The following EEF1AKMT1 variants were observed in gnomAD, a reference collection of about 807,000 sequenced individuals.
EEF1AKMT1 encodes the protein EEF1A lysine methyltransferase 1, also known as N-6 adenine-specific DNA methyltransferase 2 (putative).
Under a neutral mutation model 21.0 loss-of-function variants are expected in EEF1AKMT1, and 18 were observed. The ratio of observed to expected loss-of-function variants is 0.86; its 90% CI spans 0.59 to 1.27. EEF1AKMT1 has a LOEUF of 1.27. EEF1AKMT1 is among the 50% of genes most tolerant of loss of function. EEF1AKMT1 has a pLI of 0.00. For synonymous variants in EEF1AKMT1, 109 were observed against 94.8 expected (o/e 1.15, Z -0.87); for missense variants, 246 against 258.6 (o/e 0.95, Z 0.33).
intron 2 of EEF1AKMT1, among the ~76,000 whole-genome samples, chr13:20,752,356 G>T (rs967514740): frequency 6.6e-6 from 1 of 152,022 alleles, no homozygotes; most frequent in Non-Finnish European, 1.5e-5. Flanking sequence ...TTATCATGAA[G>T]GGATGTTGAA....
At chr13:20,765,543 G>A (rs1367724283) in intron 1 of EEF1AKMT1, among the ~76,000 whole-genome samples, 1 of 148,926 alleles carries the variant, frequency 6.7e-6, no homozygotes, top group Non-Finnish European at 1.5e-5. Flanking sequence ...CTCCCCAGTG[G>A]CTGCGATTAC....
intron 2 of EEF1AKMT1, among the ~76,000 whole-genome samples, chr13:20,751,838 G>C (rs1014929803): frequency 2.0e-5 from 3 of 152,064 alleles, no homozygotes; most frequent in Non-Finnish European, 2.9e-5. Flanking sequence ...GAGTTTTGTA[G>C]TCTTCCTTGT....
chr13:20,735,120 T>C (rs2058819052), intron 3 of EEF1AKMT1, among the ~76,000 whole-genome samples: 1 of 151,994 alleles, frequency 6.6e-6, no homozygotes, highest in African/African-American at 2.4e-5. Flanking sequence ...TCGGCAGACC[T>C]GCAATGGCCG....
chr13:20,748,559 C>G (rs1228474127), intron 2 of EEF1AKMT1, among the ~76,000 whole-genome samples: 2 of 152,018 alleles, frequency 1.3e-5, no homozygotes, highest in African/African-American at 4.8e-5. Flanking sequence ...TTGGCTCTTT[C>G]TCTGATCATT....
chr13:20,738,340 C>T (rs1235843877), intron 2 of EEF1AKMT1, among the ~76,000 whole-genome samples: 1 of 152,204 alleles, frequency 6.6e-6, no homozygotes, highest in Non-Finnish European at 1.5e-5. Flanking sequence ...TTTCATCTTG[C>T]TCCTTCTGCT....
At chr13:20,740,408 A>C (rs1039894696) in intron 2 of EEF1AKMT1, among the ~76,000 whole-genome samples, 2 of 152,248 alleles carry the variant, frequency 1.3e-5, no homozygotes, top group African/African-American at 2.4e-5. Context: ...GGGCTCCTCA[A>C]CAGTGGCCAG....
At chr13:20,767,377 T>C (rs900659591) in intron 1 of EEF1AKMT1, among the ~76,000 whole-genome samples, 4 of 151,488 alleles carry the variant, frequency 2.6e-5, no homozygotes, top group Admixed American at 6.6e-5. Context: ...AATGACTTCG[T>C]TGAACATTCC....
intron 1 of EEF1AKMT1, among the ~76,000 whole-genome samples, chr13:20,760,923 C>T (rs1294080114): frequency 6.6e-6 from 1 of 152,142 alleles, no homozygotes. Context: ...GCTTTCTACT[C>T]TGAAATAATC....
intron 3 of EEF1AKMT1, among the ~76,000 whole-genome samples, chr13:20,735,782 G>A (rs2058822966): frequency 6.6e-6 from 1 of 152,120 alleles, no homozygotes; most frequent in Non-Finnish European, 1.5e-5. Context: ...TATGGAGGGA[G>A]AAGAGAACTT....
chr13:20,766,315 AGAAAGAAAGAAAAG>A (rs1205403161), intron 1 of EEF1AKMT1, among the ~76,000 whole-genome samples: 1 of 135,904 alleles, frequency 7.4e-6, no homozygotes. Flanking sequence ...AAAAAAAAAA[AGAAAGAAAGAAAAG>A]AAAAAGAAAA....
At chr13:20,746,518 G>A (rs963050619) in intron 2 of EEF1AKMT1, among the ~76,000 whole-genome samples, 5 of 152,176 alleles carry the variant, frequency 3.3e-5, no homozygotes, top group African/African-American at 1.2e-4. Context: ...AGGACATCTG[G>A]AAGAAAGCCC....
intron 2 of EEF1AKMT1, among the ~76,000 whole-genome samples, chr13:20,754,741 C>CAAAAAAAAAAAAAAAAAAA (rs56777421): frequency 8.6e-6 from 1 of 116,582 alleles, no homozygotes. Context: ...ACCAAAAATA[C>CAAAAAAAAAAAAAAAAAAA]AAAAAAAAAA....
chr13:20,772,657 G>A (rs1322098761), intron 1 of EEF1AKMT1, among the ~76,000 whole-genome samples: 2 of 152,124 alleles, frequency 1.3e-5, no homozygotes, highest in Non-Finnish European at 2.9e-5. Flanking sequence ...GAAAGAGCAG[G>A]TGGAGCTTCA....
chr13:20,763,811 T>C (rs2059013248), intron 1 of EEF1AKMT1, among the ~76,000 whole-genome samples: 1 of 152,194 alleles, frequency 6.6e-6, no homozygotes, highest in African/African-American at 2.4e-5. Context: ...CTTACACGGC[T>C]ATTCACATTA....
chr13:20,748,638 A>T (rs1175211530), intron 2 of EEF1AKMT1, among the ~76,000 whole-genome samples: 1 of 149,458 alleles, frequency 6.7e-6, no homozygotes, highest in African/African-American at 2.5e-5. Context: ...TATACTATGG[A>T]TTTATTATGA....
intron 1 of EEF1AKMT1, among the ~76,000 whole-genome samples, chr13:20,761,297 A>G (rs1440112852): frequency 1.3e-5 from 2 of 152,198 alleles, no homozygotes; most frequent in African/African-American, 4.8e-5. Flanking sequence ...CTCCGTTTCA[A>G]TAATTTTGTC....
At chr13:20,745,995 T>C (rs957592499) in intron 2 of EEF1AKMT1, among the ~76,000 whole-genome samples, 6 of 152,182 alleles carry the variant, frequency 3.9e-5, no homozygotes, top group African/African-American at 7.2e-5. Context: ...TTACTGAATA[T>C]AATGAAAAAG....
At chr13:20,746,447 G>A (rs1203599287) in intron 2 of EEF1AKMT1, among the ~76,000 whole-genome samples, 1 of 152,174 alleles carries the variant, frequency 6.6e-6, no homozygotes, top group Non-Finnish European at 1.5e-5. Context: ...CACCGTGCCT[G>A]GCCATGTCTA....
At chr13:20,773,245 G>A (rs9579950) in intron 1 of EEF1AKMT1, among the ~76,000 whole-genome samples, 36,839 of 152,000 alleles carry the variant, frequency 0.24, 6,078 homozygotes, top group East Asian at 0.8. Flanking sequence ...TGTGATGTAC[G>A]CCCCATGTAA....
Sources: gnomAD v4.1 joint callset for allele counts (sites outside exome capture counted in the v4.1 genomes callset) on GRCh38, gnomAD v4.1.1 for gene constraint, MANE v1.5 for transcripts, NCBI Gene and HGNC (gene_info 2026-07-23, HGNC 2026-07-21) for gene names.